LTBP1: variants seen among roughly 807,000 people sequenced by gnomAD.
LTBP1 encodes the protein latent-transforming growth factor beta-binding protein 1.
A neutral mutation model predicts 207.6 loss-of-function variants in LTBP1; 129 were observed. That is an observed-to-expected ratio of 0.62 (90% CI 0.54 to 0.72). The LOEUF is 0.72. Ranked by LOEUF, LTBP1 falls within the 30% of genes least tolerant of loss-of-function variation. The pLI is 0.00. For missense variants in LTBP1, 2,281 were observed against 2,217.2 expected (o/e 1.03, Z -0.58); for synonymous variants, 963 against 833.7 (o/e 1.16, Z -2.67).
Position 33,315,252 on chromosome 2 carries a change from A to G in LTBP1, c.3713A>G (p.Asp1238Gly), listed in dbSNP as rs1368309452. ...CAGCAGGGTTTCTCAATCTCTGCAG[A>G]TGGCCGTACGTGTGAAGGTAAGATA... ...VCQQGFSISADGRTCEDIDEC... is the reference protein window; with the variant it reads ...VCQQGFSISAGGRTCEDIDEC... Residue 1238 changes from aspartate (D) to glycine (G), a missense_variant, in exon 24 of 34, where the codon GAT becomes GGT. Transcript: ENST00000404816. 1.2e-6 allele frequency: 2 copies of G among 1,612,844 alleles called. No individual in the cohort carries two copies. The highest frequency in any genetic ancestry group is 2.7e-5 in the African/African-American group (2 of 74,848).
intron 24 of LTBP1, among the ~76,000 whole-genome samples, chr2:33,319,722 C>G (rs745816089): frequency 2.0e-5 from 3 of 152,154 alleles, no homozygotes; most frequent in Admixed American, 6.5e-5. Flanking sequence ...TCCCTGTGCA[C>G]TCTATCCTGT....
At chr2:33,251,032 A>G (rs1400983367) in intron 10 of LTBP1, among the ~76,000 whole-genome samples, 2 of 152,178 alleles carry the variant, frequency 1.3e-5, no homozygotes, top group Non-Finnish European at 2.9e-5. Flanking sequence ...CAAGCCACGT[A>G]GAGACCCAAG....
chr2:33,185,192 G>C (rs2087064608), intron 5 of LTBP1, among the ~76,000 whole-genome samples: 1 of 152,190 alleles, frequency 6.6e-6, no homozygotes, highest in Non-Finnish European at 1.5e-5. Flanking sequence ...AGGTAAGATT[G>C]CTAAGTGTGA....
In LTBP1 at chr2:33,134,287, G is replaced by C; in HGVS notation, c.1034-506G>C. ...ATTTGAGACAGATGTTTTCAGACATGCCGCATGCCTAAAACATTTCCAGGG... is the reference window on the plus strand; with the variant it reads ...ATTTGAGACAGATGTTTTCAGACATCCCGCATGCCTAAAACATTTCCAGGG... On this transcript the variant is annotated intron_variant, in intron 4 of 33. Coordinates refer to ENST00000404816, the MANE Select transcript of LTBP1 (RefSeq NM_206943.4). This position sits in a 1 kb window ranked among gnomAD's most constrained non-coding sequence, Gnocchi z 4.4. 1 of 382,204 alleles carries C rather than the reference G, an allele frequency of 2.6e-6. No individual in the cohort carries two copies. The highest frequency in any genetic ancestry group is 9.2e-4 in the Middle Eastern group (1 of 1,082). 23.7% of individuals were successfully genotyped at this position (382,204 alleles called of 1,614,324 possible).
intron 14 of LTBP1, 129 bp downstream of exon 14, chr2:33,262,950 TAA>T: frequency 1.7e-6 from 1 of 572,330 alleles, no homozygotes; most frequent in Non-Finnish European, 3.1e-6. Context: ...TTAAGTATAG[TAA>T]TATACTTATA....
chr2:33,286,722 C>T (rs566742653), intron 19 of LTBP1, among the ~76,000 whole-genome samples: 14 of 149,912 alleles, frequency 9.3e-5, no homozygotes, highest in East Asian at 3.9e-4. Flanking sequence ...AAACGTGGCA[C>T]GTATACACCA....
At chr2:33,297,415 A>C (rs1398064181) in intron 20 of LTBP1, among the ~76,000 whole-genome samples, 5 of 146,482 alleles carry the variant, frequency 3.4e-5, no homozygotes, top group Non-Finnish European at 6.1e-5. Flanking sequence ...TTATTTATTT[A>C]TTTATTTATT....
chr2:33,184,651 G>A (rs917764036), intron 5 of LTBP1, among the ~76,000 whole-genome samples: 1 of 151,996 alleles, frequency 6.6e-6, no homozygotes, highest in African/African-American at 2.4e-5. Flanking sequence ...TTTTAGTTAT[G>A]TGTTATTTAA....
rs1320310239 is a variant in LTBP1 at position 33,277,823 on chromosome 2, T to TCTC, written c.2992+1900_2992+1901insCTC. Among the ~76,000 whole-genome samples, 52 of 83,528 alleles carry TCTC rather than the reference T, an allele frequency of 6.2e-4. 1 individual carries two copies. Among genetic ancestry groups the TCTC allele is most frequent in the African/African-American group, 2.3e-3 (45 of 19,826 alleles). 54.8% of individuals were successfully genotyped at this position (83,528 alleles called of 152,430 possible). A position where few individuals can be genotyped will look rare whatever the true frequency, so the allele number is the denominator to read the frequency against. ...TCTCTCTCTTTCTTTTTTTCTTTCT[T>TCTC]TCTTTCTTTTTTTTTTTTTTTTTTT... On this transcript the variant is annotated intron_variant, in intron 18 of 33. Transcript: ENST00000404816.
intron 7 of LTBP1, among the ~76,000 whole-genome samples, chr2:33,209,837 T>C (rs2090164331): frequency 6.6e-6 from 1 of 152,202 alleles, no homozygotes; most frequent in African/African-American, 2.4e-5. Flanking sequence ...CTTGGCCATA[T>C]GGCTGTCTCA....
intron 26 of LTBP1, among the ~76,000 whole-genome samples, chr2:33,352,970 C>CTTTT (rs61357622): frequency 7.5e-5 from 7 of 93,220 alleles, no homozygotes; most frequent in Non-Finnish European, 8.1e-5. Context: ...GTAAGCCTTT[C>CTTTT]TTTTTTTTTT....
intron 24 of LTBP1, among the ~76,000 whole-genome samples, chr2:33,325,037 A>G: frequency 6.6e-6 from 1 of 152,328 alleles, no homozygotes; most frequent in South Asian, 2.1e-4. Context: ...ATTTTAAATC[A>G]TATAGAATAT....
At chr2:33,084,668 T>TA (rs961294592) in intron 3 of LTBP1, among the ~76,000 whole-genome samples, 4 of 152,196 alleles carry the variant, frequency 2.6e-5, no homozygotes, top group African/African-American at 7.2e-5. Flanking sequence ...TTTATTCTTA[T>TA]AAAAAACTCC....
At chr2:33,109,255 G>A (rs928224877) in intron 3 of LTBP1, among the ~76,000 whole-genome samples, 19 of 152,130 alleles carry the variant, frequency 1.2e-4, no homozygotes, top group African/African-American at 4.6e-4. Flanking sequence ...GGTGTTTTGG[G>A]TGGCTTGACA....
chr2:33,329,715 G>C (rs2094472637), intron 24 of LTBP1, among the ~76,000 whole-genome samples: 2 of 151,876 alleles, frequency 1.3e-5, no homozygotes, highest in African/African-American at 4.8e-5. Context: ...ATATATTTCT[G>C]CATTATTCAT....
intron 7 of LTBP1, among the ~76,000 whole-genome samples, chr2:33,192,579 C>T (rs1283900906): frequency 6.6e-6 from 1 of 150,848 alleles, no homozygotes. Flanking sequence ...GAAAGAGACA[C>T]AAAAAATAAG....
chr2:33,243,695 C>G lies in LTBP1; in HGVS notation c.1910C>G (p.Pro637Arg), dbSNP rs774459682. Reference sequence around the variant, plus strand: ...GAATGTCAGCTACAAGGTGTATGCCCTAATGGTGAGTGTTTGAATACCATG... The same window carrying G: ...GAATGTCAGCTACAAGGTGTATGCCGTAATGGTGAGTGTTTGAATACCATG... The part of the protein sequence containing the change: ...INECQLQGVC[P>R]NGECLNTMGS... The change falls in exon 10 of 34, where the codon CCT (proline) becomes CGT (arginine). Residue 637 changes from proline (P) to arginine (R), a missense_variant. Pro to Arg is a moderately radical substitution (Grantham distance 103, BLOSUM62 -2). This residue lies in a region of LTBP1 where 1,671 missense variants were observed against 1,634.8 expected (regional missense o/e 1.02). Transcript: ENST00000404816. 5 of 1,613,978 alleles carry G rather than the reference C, an allele frequency of 3.1e-6. No homozygotes were observed. The Admixed American group carries it at 8.3e-5, about 27-fold the overall frequency.
intron 3 of LTBP1, among the ~76,000 whole-genome samples, chr2:33,061,663 G>C (rs978430606): frequency 6.6e-6 from 1 of 152,138 alleles, no homozygotes; most frequent in African/African-American, 2.4e-5. Flanking sequence ...TTGTTAGGTA[G>C]TATTCCATTG....
At chr2:33,384,288 A>T (rs1426510751) in intron 31 of LTBP1, among the ~76,000 whole-genome samples, 1 of 152,186 alleles carries the variant, frequency 6.6e-6, no homozygotes, top group Non-Finnish European at 1.5e-5. Context: ...AATGGCCTGG[A>T]TCTTGTTTAG....
Sources: allele counts gnomAD v4.1 joint callset (sites outside exome capture counted in the v4.1 genomes callset), GRCh38; gene constraint gnomAD v4.1.1; regional missense constraint gnomAD v4.1.1; non-coding constraint Gnocchi (gnomAD v3.1); transcripts MANE v1.5; gene names NCBI Gene and HGNC (gene_info 2026-07-23, HGNC 2026-07-21).